NOL4: variants seen among roughly 807,000 people sequenced by gnomAD.
NOL4 encodes the protein nucleolar protein 4.
Under a neutral mutation model 75.9 loss-of-function variants are expected in NOL4, and 17 were observed. The ratio of observed to expected loss-of-function variants is 0.22; its 90% confidence interval spans 0.15 to 0.34. NOL4 has a LOEUF of 0.34. Ranked by LOEUF, NOL4 falls within the 10% of genes least tolerant of loss-of-function variation. The pLI is 1.00. For synonymous variants in NOL4, 292 were observed against 289.9 expected (o/e 1.01, Z -0.07); for missense variants, 614 against 793.5 (o/e 0.77, Z 2.72).
At chr18:34,058,090 C>T (rs569434906) in intron 5 of NOL4, among the ~76,000 whole-genome samples, 15 of 152,244 alleles carry the variant, frequency 9.9e-5, no homozygotes, top group African/African-American at 3.4e-4. Context: ...GGCCTGCTCA[C>T]ATCTCCAGGT....
At chr18:34,140,302 G>A (rs1001941320) in intron 1 of NOL4, among the ~76,000 whole-genome samples, 3 of 152,136 alleles carry the variant, frequency 2.0e-5, no homozygotes, top group African/African-American at 7.2e-5. Flanking sequence ...AACTATTATT[G>A]TGTGGGAGTC....
intron 1 of NOL4, among the ~76,000 whole-genome samples, chr18:34,168,869 G>A (rs2032718020): frequency 6.6e-6 from 1 of 151,426 alleles, no homozygotes; most frequent in Non-Finnish European, 1.5e-5. Context: ...AGTGGATAAG[G>A]AAACATTAAA....
chr18:33,882,462 T>TC (rs2064351704), intron 10 of NOL4, among the ~76,000 whole-genome samples: 1 of 151,356 alleles, frequency 6.6e-6, no homozygotes, highest in Non-Finnish European at 1.5e-5. Flanking sequence ...AAAATGCTCA[T>TC]CATCACTGGC....
intron 10 of NOL4, among the ~76,000 whole-genome samples, chr18:33,877,063 C>T (rs140443024): frequency 6.6e-6 from 1 of 152,040 alleles, no homozygotes; most frequent in African/African-American, 2.4e-5. Flanking sequence ...CAGCTACACT[C>T]AGCCCAAAGT....
intron 1 of NOL4, among the ~76,000 whole-genome samples, chr18:34,134,241 C>A (rs2080789611): frequency 6.6e-6 from 1 of 151,898 alleles, no homozygotes; most frequent in African/African-American, 2.4e-5. Context: ...ATTAAAATTT[C>A]TTTACTTGGT....
chr18:33,939,826 GAGAGGGCAT>G (rs1272448592), intron 9 of NOL4, among the ~76,000 whole-genome samples: 2 of 152,042 alleles, frequency 1.3e-5, no homozygotes, highest in Non-Finnish European at 2.9e-5. Flanking sequence ...GGAGTGGTAA[GAGAGGGCAT>G]CCTTGTCTTG....
intron 9 of NOL4, among the ~76,000 whole-genome samples, chr18:33,904,655 G>A (rs560001961): frequency 6.6e-6 from 1 of 152,148 alleles, no homozygotes; most frequent in Non-Finnish European, 1.5e-5. Flanking sequence ...TTGTAAATAT[G>A]CCTGTGTTAG....
chr18:33,869,873 G>A (rs147075992), intron 10 of NOL4, among the ~76,000 whole-genome samples: 1 of 151,952 alleles, frequency 6.6e-6, no homozygotes, highest in South Asian at 2.1e-4. Flanking sequence ...CAAACATCCA[G>A]AGGTTTAAAA....
At chr18:34,088,364 A>AC (rs771675316) in intron 5 of NOL4, among the ~76,000 whole-genome samples, 17 of 152,072 alleles carry the variant, frequency 1.1e-4, no homozygotes, top group Non-Finnish European at 2.2e-4. Flanking sequence ...GAAAGGGAAT[A>AC]CATTTTTGAG....
intron 5 of NOL4, among the ~76,000 whole-genome samples, chr18:34,056,448 C>T (rs1568283018): frequency 6.6e-6 from 1 of 152,138 alleles, no homozygotes; most frequent in Non-Finnish European, 1.5e-5. Flanking sequence ...CTCCTTCTAG[C>T]ATCTGCCTGT....
intron 9 of NOL4, among the ~76,000 whole-genome samples, chr18:33,932,546 T>C (rs1368678105): frequency 6.6e-6 from 1 of 152,120 alleles, no homozygotes; most frequent in Non-Finnish European, 1.5e-5. Flanking sequence ...TAGCAAGGCA[T>C]CATTTTCATA....
At chr18:34,065,212 T>C (rs1048686273) in intron 5 of NOL4, among the ~76,000 whole-genome samples, 7 of 151,910 alleles carry the variant, frequency 4.6e-5, no homozygotes, top group African/African-American at 1.7e-4. Context: ...TACACACATA[T>C]AATTTAGTTT....
At chr18:34,032,456 T>A (rs1399414370) in intron 5 of NOL4, among the ~76,000 whole-genome samples, 1 of 152,070 alleles carries the variant, frequency 6.6e-6, no homozygotes, top group African/African-American at 2.4e-5. Context: ...AAAGATTGCT[T>A]AGCCCAGTCC....
chr18:33,979,109 G>T (rs1202055760), intron 6 of NOL4, among the ~76,000 whole-genome samples: 2 of 152,070 alleles, frequency 1.3e-5, no homozygotes, highest in African/African-American at 4.8e-5. Context: ...ATGGTTGATT[G>T]TAGAGCTTTG....
intron 1 of NOL4, among the ~76,000 whole-genome samples, chr18:34,202,411 A>C (rs1411771093): frequency 6.6e-6 from 1 of 151,994 alleles, no homozygotes; most frequent in African/African-American, 2.4e-5. Context: ...TTAAAAACTG[A>C]ATCCTTTCTT....
chr18:34,153,290 G>A (rs1009627895), intron 1 of NOL4, among the ~76,000 whole-genome samples: 3 of 151,862 alleles, frequency 2.0e-5, no homozygotes, highest in African/African-American at 7.3e-5. Context: ...ATCATGAAAT[G>A]ATTGTCTCTT....
intron 5 of NOL4, among the ~76,000 whole-genome samples, chr18:34,053,642 G>T (rs2076717001): frequency 6.6e-6 from 1 of 151,712 alleles, no homozygotes; most frequent in Admixed American, 6.6e-5. Context: ...CCAGACTTAA[G>T]AAACATACTT....
intron 8 of NOL4, among the ~76,000 whole-genome samples, chr18:33,948,454 A>G (rs1005960398): frequency 1.3e-5 from 2 of 152,086 alleles, no homozygotes; most frequent in East Asian, 1.9e-4. Context: ...GATTCCTTCT[A>G]TTAAGCAGGT....
At chr18:34,155,039 G>A (rs2030103530) in intron 1 of NOL4, among the ~76,000 whole-genome samples, 1 of 151,596 alleles carries the variant, frequency 6.6e-6, no homozygotes, top group Admixed American at 6.6e-5. Context: ...CGAATCTTTT[G>A]CCAATTTGTA....
Sources: gnomAD v4.1 joint callset for allele counts (sites outside exome capture counted in the v4.1 genomes callset) on GRCh38, gnomAD v4.1.1 for gene constraint, MANE v1.5 for transcripts, NCBI Gene and HGNC (gene_info 2026-07-23, HGNC 2026-07-21) for gene names.